Variants in GALNT2 observed in about 807,000 individuals in gnomAD.
GALNT2 encodes the protein polypeptide N-acetylgalactosaminyltransferase 2.
Under a neutral mutation model 81.4 loss-of-function variants are expected in GALNT2, and 31 were observed. That is an observed-to-expected ratio of 0.38 (90% CI 0.29 to 0.51). The LOEUF is 0.51. Among genes scored for constraint, GALNT2 ranks in the 20% least tolerant of loss-of-function variants. The probability of loss-of-function intolerance (pLI) is 0.87; values close to 1 mark genes in which losing one functional copy is unlikely to be tolerated. For synonymous variants in GALNT2, 303 were observed against 287.4 expected, an observed-to-expected ratio of 1.05 and a Z score of -0.55; for missense variants, 629 against 765.7, an observed-to-expected ratio of 0.82 and a Z score of 2.11.
intron 1 of GALNT2, among the ~76,000 whole-genome samples, chr1:230,158,685 G>A (rs140355963): frequency 7.2e-5 from 11 of 152,164 alleles, no homozygotes; most frequent in Admixed American, 2.6e-4. Context: ...TTCCCTCCAC[G>A]TAAACCAAGT....
intron 1 of GALNT2, among the ~76,000 whole-genome samples, chr1:230,126,650 G>A (rs193143948): frequency 6.6e-6 from 1 of 152,344 alleles, no homozygotes; most frequent in Non-Finnish European, 1.5e-5. Context: ...CCTCGGAAAA[G>A]TGTGTGCATG....
At chr1:230,250,260 G>A (rs963198667) in intron 9 of GALNT2, among the ~76,000 whole-genome samples, 197 bp from the exon 10 acceptor site, 3 of 152,250 alleles carry the variant, frequency 2.0e-5, no homozygotes, top group Non-Finnish European at 4.4e-5. Context: ...GACAGTGGGG[G>A]AGGCATTTGA....
intron 2 of GALNT2, among the ~76,000 whole-genome samples, chr1:230,200,916 AT>A (rs1663874003): frequency 6.6e-6 from 1 of 152,190 alleles, no homozygotes; most frequent in Admixed American, 6.5e-5. Flanking sequence ...GAACCAGCTC[AT>A]TGGAATTCTG....
intron 1 of GALNT2, among the ~76,000 whole-genome samples, chr1:230,171,217 T>G (rs774730095): frequency 6.6e-6 from 1 of 152,210 alleles, no homozygotes; most frequent in Non-Finnish European, 1.5e-5. Context: ...GGTCTTGGTC[T>G]TTAGCGGGAA....
intron 1 of GALNT2, among the ~76,000 whole-genome samples, chr1:230,094,626 G>A (rs936471787): frequency 2.0e-5 from 3 of 152,236 alleles, no homozygotes; most frequent in South Asian, 4.1e-4. Flanking sequence ...CAACAAGAAT[G>A]AAACTCCGTC....
intron 14 of GALNT2, among the ~76,000 whole-genome samples, chr1:230,270,763 C>T (rs1248113667): frequency 6.6e-6 from 1 of 152,200 alleles, no homozygotes; most frequent in Non-Finnish European, 1.5e-5. Context: ...TGAGCCTTGG[C>T]AGACACACAG....
Position 230,243,654 on chromosome 1 carries a change from G to A in GALNT2, c.729+227G>A, listed in dbSNP as rs72647703. ...AATCCATCAGTAGGAGGAACCATCC[G>A]TTGACAGGTAGGAGGCGAGGATCAG... On this transcript the variant is annotated intron_variant, in intron 7 of 15. Transcript: ENST00000366672. The surrounding 1 kb of genome is among the most constrained non-coding windows in gnomAD (Gnocchi z 4.2). 0.011 allele frequency among the ~76,000 whole-genome samples: 1,674 copies of A among 152,354 alleles called. 17 individuals carry two copies. Among genetic ancestry groups the A allele is most frequent in the Middle Eastern group, 0.02 (6 of 294 alleles).
intron 1 of GALNT2, among the ~76,000 whole-genome samples, chr1:230,124,574 T>C (rs1025197431): frequency 1.8e-4 from 28 of 152,182 alleles, no homozygotes; most frequent in Non-Finnish European, 1.5e-5. Flanking sequence ...GCTCCAGGTA[T>C]TTGGAGGAGG....
intron 3 of GALNT2, among the ~76,000 whole-genome samples, chr1:230,209,477 G>A (rs1664166990): frequency 6.6e-6 from 1 of 152,198 alleles, no homozygotes; most frequent in Admixed American, 6.6e-5. Context: ...GCCAGGAAGA[G>A]GCCTCACCAG....
chr1:230,258,412 A>G (rs2102756285), intron 11 of GALNT2, among the ~76,000 whole-genome samples: 2 of 151,348 alleles, frequency 1.3e-5, no homozygotes, highest in Admixed American at 1.3e-4. Flanking sequence ...TATTTTTAGT[A>G]GTACATTTCT....
Position 230,243,397 on chromosome 1 carries a change from G to A in GALNT2, c.699G>A (p.Trp233Ter). The change falls in exon 7 of 16, where the codon TGG becomes TGA. Residue 233 changes from tryptophan (W) to a stop codon, truncating the protein, a stop_gained. Coordinates refer to ENST00000366672, the MANE Select transcript of GALNT2 (RefSeq NM_004481.5). LOFTEE classifies it high-confidence loss of function. This position sits in a 1 kb window ranked among gnomAD's most constrained non-coding sequence, Gnocchi z 4.2. ...LDSHCECNEH[W>*]LEPLLERVAE... The stretch of plus-strand genomic sequence containing the variant: ...GTCACTGCGAGTGTAATGAGCACTG[G>A]CTGGAGCCCCTCCTGGAAAGGGTGG... 1.9e-6 allele frequency: 3 copies of A among 1,612,520 alleles called. No individual in the cohort carries two copies. Among genetic ancestry groups the A allele is most frequent in the Non-Finnish European group, 1.7e-6 (2 of 1,179,912 alleles).
At chr1:230,265,136 C>T in intron 13 of GALNT2, 105 bp from the exon 14 acceptor site, 1 of 1,490,614 alleles carries the variant, frequency 6.7e-7, no homozygotes, top group Non-Finnish European at 9.3e-7. Context: ...CTGGGTCTTT[C>T]TCTCGTTCCT....
At chr1:230,239,873 C>G (rs1381774135) in intron 6 of GALNT2, among the ~76,000 whole-genome samples, 1 of 152,020 alleles carries the variant, frequency 6.6e-6, no homozygotes. Flanking sequence ...ACATACAGCT[C>G]TAACTTACAA....
At chr1:230,178,707 A>T (rs1402572852) in intron 2 of GALNT2, among the ~76,000 whole-genome samples, 1 of 150,958 alleles carries the variant, frequency 6.6e-6, no homozygotes, top group Non-Finnish European at 1.5e-5. Flanking sequence ...AACCTCCTCC[A>T]TTGTCAGTAT....
chr1:230,251,778 A>T (rs932003456), intron 10 of GALNT2, among the ~76,000 whole-genome samples: 3 of 152,134 alleles, frequency 2.0e-5, no homozygotes, highest in African/African-American at 7.2e-5. Context: ...TCTCAAAAAC[A>T]GTGTGGTTTT....
In GALNT2 at chr1:230,275,813, AATATACATGCCACATATATACATGT is replaced by A. The variant is rs1226494442; in HGVS notation, c.1560+1266_1560+1290del. ...TATATACATGCCACATATATATACA[AATATACATGCCACATATATACATGT>A]ATATACATGCCACATAGATATACAT... On this transcript the variant is annotated intron_variant, in intron 15 of 15. Coordinates refer to ENST00000366672, the MANE Select transcript of GALNT2 (RefSeq NM_004481.5). The surrounding 1 kb of genome is among the most constrained non-coding windows in gnomAD (Gnocchi z 5.5). Among the ~76,000 whole-genome samples the A allele has an allele frequency of 6.6e-6, 1 of 150,644 alleles. No individual in the cohort carries two copies. Among genetic ancestry groups the A allele is most frequent in the African/African-American group, 2.4e-5 (1 of 40,966 alleles).
intron 1 of GALNT2, among the ~76,000 whole-genome samples, chr1:230,074,717 A>T (rs1659481400): frequency 6.6e-6 from 1 of 152,196 alleles, no homozygotes; most frequent in Non-Finnish European, 1.5e-5. Context: ...TAATTTTCAA[A>T]ATTTAATAAA....
At chr1:230,232,188 G>A (rs1281396230) in intron 3 of GALNT2, among the ~76,000 whole-genome samples, 2 of 152,086 alleles carry the variant, frequency 1.3e-5, no homozygotes, top group Admixed American at 6.5e-5. Context: ...CTAAATTCAT[G>A]TACATACACA....
At chr1:230,277,828 G>A (rs1437467510) in intron 15 of GALNT2, among the ~76,000 whole-genome samples, 1 of 152,152 alleles carries the variant, frequency 6.6e-6, no homozygotes, top group Non-Finnish European at 1.5e-5. Context: ...TTTGCCAGTT[G>A]GAACATTTGG....
Sources: allele counts gnomAD v4.1 joint callset (sites outside exome capture counted in the v4.1 genomes callset), GRCh38; gene constraint gnomAD v4.1.1; non-coding constraint Gnocchi (gnomAD v3.1); transcripts MANE v1.5; gene names NCBI Gene and HGNC (gene_info 2026-07-23, HGNC 2026-07-21).